Variants in DLGAP2 observed in about 807,000 individuals in gnomAD.
DLGAP2 encodes DLG associated protein 2.
DLGAP2 carries 26 observed loss-of-function variants against 100.3 expected under a neutral mutation model. The observed-to-expected ratio is 0.26, with a 90% CI of 0.19 to 0.36. The LOEUF (loss-of-function observed/expected upper bound fraction) is 0.36. Among genes scored for constraint, DLGAP2 ranks in the 10% least tolerant of loss-of-function variants. The probability of loss-of-function intolerance (pLI) is 1.00; values close to 1 mark genes in which losing one functional copy is unlikely to be tolerated. For missense variants in DLGAP2, 1,858 were observed against 1,453.2 expected, an observed-to-expected ratio of 1.28 and a Z score of -4.53; for synonymous variants, 886 against 630.1, an observed-to-expected ratio of 1.41 and a Z score of -6.08.
chr8:1,645,618 G>A (rs576342024), intron 8 of DLGAP2, among the ~76,000 whole-genome samples: 1 of 152,262 alleles, frequency 6.6e-6, no homozygotes, highest in East Asian at 1.9e-4. Context: ...TGATCATGAA[G>A]TCCTATAGAT....
chr8:843,589 C>G (rs1366566576), intron 1 of DLGAP2, among the ~76,000 whole-genome samples: 1 of 152,256 alleles, frequency 6.6e-6, no homozygotes, highest in Non-Finnish European at 1.5e-5. Flanking sequence ...CCACGTAGAT[C>G]CTGGGGCACT....
At chr8:1,254,258 A>T (rs906182142) in intron 2 of DLGAP2, among the ~76,000 whole-genome samples, 2 of 152,076 alleles carry the variant, frequency 1.3e-5, no homozygotes, top group Admixed American at 6.5e-5. Context: ...CCCTGGGGGA[A>T]CCCCGGGCAC....
intron 1 of DLGAP2, among the ~76,000 whole-genome samples, chr8:806,328 C>G (rs979130509): frequency 2.0e-5 from 3 of 152,172 alleles, no homozygotes; most frequent in South Asian, 4.1e-4. Flanking sequence ...GAGGGCGGCC[C>G]AGGCAGCCAG....
rs1426450857 is a variant in DLGAP2 at position 948,993 on chromosome 8, G to A, written c.73+41027G>A. On this transcript the variant is annotated intron_variant, in intron 2 of 14. Coordinates refer to ENST00000637795, the MANE Select transcript of DLGAP2 (RefSeq NM_001346810.2). Reference sequence around the variant, plus strand: ...GCCGCCATCTTGAGGAGTCGCCGGGGTGGGAGCAGGACCTGTCGGGGTGGC... The same window carrying A: ...GCCGCCATCTTGAGGAGTCGCCGGGATGGGAGCAGGACCTGTCGGGGTGGC... Among the ~76,000 whole-genome samples the A allele has an allele frequency of 6.6e-5, 10 of 151,232 alleles. No homozygotes were observed. The South Asian group carries it at 8.3e-4, about 13-fold the overall frequency.
chr8:1,077,690 TAAG>T (rs1289502663), intron 2 of DLGAP2, among the ~76,000 whole-genome samples: 1 of 152,228 alleles, frequency 6.6e-6, no homozygotes, highest in Admixed American at 6.5e-5. Context: ...AGAATGTTCT[TAAG>T]AAGCCCTTGA....
At chr8:1,211,904 A>C (rs10111585) in intron 2 of DLGAP2, among the ~76,000 whole-genome samples, 1 of 152,066 alleles carries the variant, frequency 6.6e-6, no homozygotes, top group Non-Finnish European at 1.5e-5. Flanking sequence ...AAAAATAAAA[A>C]TAATAATTTG....
intron 2 of DLGAP2, among the ~76,000 whole-genome samples, chr8:1,197,793 C>A (rs980667900): frequency 6.6e-6 from 1 of 152,236 alleles, no homozygotes; most frequent in Middle Eastern, 3.2e-3. Context: ...ATGAACCGCA[C>A]TACCTTTTTC....
chr8:1,059,546 T>C (rs764747803), intron 2 of DLGAP2, among the ~76,000 whole-genome samples: 1 of 152,112 alleles, frequency 6.6e-6, no homozygotes, highest in African/African-American at 2.4e-5. Context: ...TCAGTGCCCA[T>C]TGCCTCCCCT....
At chr8:1,357,460 G>A (rs767904185) in intron 3 of DLGAP2, among the ~76,000 whole-genome samples, 14 of 149,958 alleles carry the variant, frequency 9.3e-5, no homozygotes, top group Non-Finnish European at 1.6e-4. Flanking sequence ...ATCAGGAGTC[G>A]TCTAATGTAC....
chr8:1,151,848 T>G (rs971279493), intron 2 of DLGAP2, among the ~76,000 whole-genome samples: 1 of 152,208 alleles, frequency 6.6e-6, no homozygotes, highest in Non-Finnish European at 1.5e-5. Flanking sequence ...TCTTTCTGGT[T>G]ATTCCATTAG....
intron 2 of DLGAP2, among the ~76,000 whole-genome samples, chr8:1,247,291 CTGGG>C (rs1798931908): frequency 1.9e-5 from 2 of 105,640 alleles, no homozygotes; most frequent in Non-Finnish European, 1.9e-5. Context: ...ACATCGGTGG[CTGGG>C]AAGACCATTG....
intron 7 of DLGAP2, among the ~76,000 whole-genome samples, chr8:1,631,543 G>A (rs1042413941): frequency 6.6e-5 from 10 of 152,274 alleles, no homozygotes; most frequent in Admixed American, 1.3e-4. Flanking sequence ...CCATCCTGCC[G>A]GCTGTGTCCT....
intron 2 of DLGAP2, among the ~76,000 whole-genome samples, chr8:1,193,792 T>TAG (rs1296345323): frequency 6.6e-6 from 1 of 151,772 alleles, no homozygotes; most frequent in African/African-American, 2.4e-5. Flanking sequence ...CTCCGCACCA[T>TAG]GCCCCCTGCA....
intron 3 of DLGAP2, chr8:1,381,164 A>T (rs1437552992): frequency 2.0e-5 from 3 of 152,146 alleles, no homozygotes; most frequent in Non-Finnish European, 4.4e-5. Context: ...CGGCTGGACA[A>T]GCAACCAGAA....
intron 3 of DLGAP2, among the ~76,000 whole-genome samples, chr8:1,475,712 GA>G (rs1798913175): frequency 6.6e-6 from 1 of 152,200 alleles, no homozygotes; most frequent in South Asian, 2.1e-4. Context: ...GGCAGAACAC[GA>G]GTGGCACCTG....
intron 2 of DLGAP2, among the ~76,000 whole-genome samples, chr8:1,067,646 T>A (rs947531042): frequency 1.2e-4 from 18 of 146,398 alleles, no homozygotes; most frequent in African/African-American, 3.5e-4. Context: ...TGTGTGTGTG[T>A]GACTTAATAT....
intron 10 of DLGAP2, among the ~76,000 whole-genome samples, chr8:1,676,320 G>A (rs940730892): frequency 6.6e-6 from 1 of 152,144 alleles, no homozygotes; most frequent in African/African-American, 2.4e-5. Flanking sequence ...TTGAGTTCAG[G>A]TAGTTATGTA....
intron 3 of DLGAP2, among the ~76,000 whole-genome samples, chr8:1,473,254 T>A (rs1051928479): frequency 6.6e-6 from 1 of 152,158 alleles, no homozygotes; most frequent in Non-Finnish European, 1.5e-5. Context: ...ATCGGCTTTA[T>A]TCATAATCAC....
At chr8:1,209,540 G>A (rs531363788) in intron 2 of DLGAP2, among the ~76,000 whole-genome samples, 24 of 152,194 alleles carry the variant, frequency 1.6e-4, no homozygotes, top group South Asian at 4.2e-4. Context: ...CAATTAATCC[G>A]TTTCTATACT....
Sources: allele counts gnomAD v4.1 joint callset (sites outside exome capture counted in the v4.1 genomes callset), GRCh38; gene constraint gnomAD v4.1.1; transcripts MANE v1.5; gene names NCBI Gene and HGNC (gene_info 2026-07-23, HGNC 2026-07-21).